NDFIP1: variants seen among roughly 807,000 people sequenced by gnomAD.
NDFIP1 encodes Nedd4 family interacting protein 1.
NDFIP1 carries 7 observed loss-of-function variants against 28.8 expected under a neutral mutation model. The ratio of observed to expected loss-of-function variants is 0.24; its 90% CI spans 0.14 to 0.46. NDFIP1 has a LOEUF of 0.46. Among genes scored for constraint, NDFIP1 ranks in the 20% least tolerant of loss-of-function variants. The probability of loss-of-function intolerance (pLI) is 0.99; values close to 1 mark genes in which losing one functional copy is unlikely to be tolerated. For synonymous variants in NDFIP1, 92 were observed against 101.0 expected (o/e 0.91, Z 0.53); for missense variants, 194 against 269.1 (o/e 0.72, Z 1.95).
intron 1 of NDFIP1, among the ~76,000 whole-genome samples, chr5:142,110,371 C>G (rs1044197051): frequency 3.0e-4 from 45 of 152,108 alleles, no homozygotes; most frequent in Non-Finnish European, 3.7e-4. Flanking sequence ...TAACTGTCAC[C>G]ACAGTGTTTG....
At chr5:142,148,538 G>A (rs1385468068) in intron 7 of NDFIP1, among the ~76,000 whole-genome samples, 1 of 151,976 alleles carries the variant, frequency 6.6e-6, no homozygotes, top group East Asian at 1.9e-4. Context: ...GTCACCTGAG[G>A]TTAGAAGTTT....
At chr5:142,130,791 T>C (rs539721102) in intron 1 of NDFIP1, among the ~76,000 whole-genome samples, 26 of 152,240 alleles carry the variant, frequency 1.7e-4, no homozygotes, top group Admixed American at 3.3e-4. Context: ...TGTACTCCTA[T>C]TACCTAGAAA....
intron 1 of NDFIP1, among the ~76,000 whole-genome samples, chr5:142,112,664 G>A (rs1757027114): frequency 6.7e-6 from 1 of 148,562 alleles, no homozygotes; most frequent in Non-Finnish European, 1.5e-5. Context: ...GGTGGCACGT[G>A]CCTGTAGTAG....
At chr5:142,129,742 C>T (rs895678422) in intron 1 of NDFIP1, among the ~76,000 whole-genome samples, 2 of 151,570 alleles carry the variant, frequency 1.3e-5, no homozygotes, top group Middle Eastern at 3.2e-3. Flanking sequence ...GCCTGGCCCA[C>T]GTCTACTAAA....
intron 7 of NDFIP1, among the ~76,000 whole-genome samples, chr5:142,145,182 A>G (rs1308042115): frequency 6.6e-6 from 1 of 152,200 alleles, no homozygotes; most frequent in Admixed American, 6.5e-5. Context: ...GGCTTTCCCC[A>G]TGGCTTTCTT....
At chr5:142,150,372 C>CT (rs1757433512) in intron 7 of NDFIP1, among the ~76,000 whole-genome samples, 2 of 151,650 alleles carry the variant, frequency 1.3e-5, no homozygotes, top group Admixed American at 6.6e-5. Flanking sequence ...CTTTCAATCT[C>CT]TTATGTCTCT....
At chr5:142,124,818 G>A (rs1757153966) in intron 1 of NDFIP1, among the ~76,000 whole-genome samples, 1 of 134,644 alleles carries the variant, frequency 7.4e-6, no homozygotes, top group African/African-American at 2.9e-5. Context: ...CTCCCTATGA[G>A]CAACTTGAAG....
Position 142,108,987 on chromosome 5 carries a change from T to TTGGCGGCGC in NDFIP1, c.22_30dup (p.Leu8_Ala10dup). On this transcript the variant is annotated inframe_insertion, in exon 1 of 8. Coordinates refer to ENST00000253814, the MANE Select transcript of NDFIP1 (RefSeq NM_030571.4). ...TGCCGGCTGCGCCATGGCGTTGGCGTTGGCGGCGCTGGCGGCGGTCGAGCC... is the reference window on the plus strand; with the variant it reads ...TGCCGGCTGCGCCATGGCGTTGGCGTTGGCGGCGCTGGCGGCGCTGGCGGCGGTCGAGCC... 6.9e-7 allele frequency: 1 copy of TTGGCGGCGC among 1,446,644 alleles called. No homozygotes were observed. Among genetic ancestry groups the TTGGCGGCGC allele is most frequent in the Non-Finnish European group, 9.1e-7 (1 of 1,102,898 alleles). The allele number at this position is 1,446,644 out of a possible 1,614,324, so 89.6% of individuals were successfully genotyped here.
intron 1 of NDFIP1, among the ~76,000 whole-genome samples, chr5:142,124,944 G>A (rs1757156288): frequency 6.6e-6 from 1 of 152,080 alleles, no homozygotes; most frequent in African/African-American, 2.4e-5. Flanking sequence ...TCCTGCCTCA[G>A]CCTCCCAAGT....
Position 142,137,788 on chromosome 5 carries a change from C to A in NDFIP1, c.425C>A (p.Ser142Ter). The change falls in exon 5 of 8, where the codon TCA (serine) becomes TAA (stop). Residue 142 changes from serine to a stop codon, truncating the protein, a stop_gained. Coordinates refer to ENST00000253814, the MANE Select transcript of NDFIP1 (RefSeq NM_030571.4). LOFTEE classifies it high-confidence loss of function. ...GFFLSFCLTT[S>*]AAGRYGAISG... Reference sequence around the variant, plus strand: ...TTCCTGTCTTTTTGCCTGACCACTTCAGCTGCAGGAAGGTATGGGGCCATT... The same window carrying A: ...TTCCTGTCTTTTTGCCTGACCACTTAAGCTGCAGGAAGGTATGGGGCCATT... 1 of 1,614,150 alleles carries A rather than the reference C, an allele frequency of 6.2e-7. No homozygotes were observed. The highest frequency in any genetic ancestry group is 8.5e-7 in the Non-Finnish European group (1 of 1,180,018).
intron 1 of NDFIP1, among the ~76,000 whole-genome samples, chr5:142,109,671 G>T (rs1756991755): frequency 6.6e-6 from 1 of 152,224 alleles, no homozygotes; most frequent in Admixed American, 6.5e-5. Flanking sequence ...CGTGTGCCGG[G>T]TGTATTTTAA....
At chr5:142,129,390 C>A (rs570321548) in intron 1 of NDFIP1, among the ~76,000 whole-genome samples, 1 of 152,218 alleles carries the variant, frequency 6.6e-6, no homozygotes, top group African/African-American at 2.4e-5. Context: ...CCTATTTTGG[C>A]CACATGTCTT....
Position 142,144,377 on chromosome 5 carries a change from T to TA in NDFIP1, c.563-193dup, listed in dbSNP as rs558627317. On this transcript the variant is annotated intron_variant, in intron 6 of 7. Coordinates refer to ENST00000253814, the MANE Select transcript of NDFIP1 (RefSeq NM_030571.4). ...ATGTGCAAAAGACACTATTGACTCT[T>TA]ACATTATACCTTCTCATTGAAGGAT... 62 of 506,184 alleles carry TA rather than the reference T, an allele frequency of 1.2e-4. 1 individual carries two copies. Among genetic ancestry groups the TA allele is most frequent in the African/African-American group, 1.2e-3 (61 of 52,170 alleles). 31.4% of individuals were successfully genotyped at this position (506,184 alleles called of 1,614,324 possible). A position where few individuals can be genotyped will look rare whatever the true frequency, so the allele number is the denominator to read the frequency against.
intron 5 of NDFIP1, among the ~76,000 whole-genome samples, chr5:142,140,041 C>A (rs62381977): frequency 0.27 from 41,540 of 152,040 alleles, 6,997 homozygotes; most frequent in Non-Finnish European, 0.37. Flanking sequence ...AATTGCTTTT[C>A]CTTGAAAGGA....
At chr5:142,137,879 G>C in intron 5 of NDFIP1, 21 bp downstream of exon 5, 1 of 1,611,878 alleles carries the variant, frequency 6.2e-7, no homozygotes, top group Non-Finnish European at 8.5e-7. Flanking sequence ...TAACAGAAAA[G>C]ATGGGCTCTA....
intron 4 of NDFIP1, among the ~76,000 whole-genome samples, chr5:142,136,378 T>C (rs1183490033): frequency 6.6e-6 from 1 of 152,218 alleles, no homozygotes; most frequent in Non-Finnish European, 1.5e-5. Flanking sequence ...GTGACTTGAA[T>C]CAGATTATTT....
intron 1 of NDFIP1, among the ~76,000 whole-genome samples, chr5:142,123,102 A>G (rs185737384): frequency 6.6e-6 from 1 of 152,184 alleles, no homozygotes; most frequent in Admixed American, 6.5e-5. Context: ...AGCTGGGACT[A>G]CAGGGGCATG....
At chr5:142,137,693 C>G in intron 4 of NDFIP1, 41 bp from the exon 5 acceptor site, 1 of 1,607,466 alleles carries the variant, frequency 6.2e-7, no homozygotes, top group Non-Finnish European at 8.5e-7. Context: ...TCTTGGGTAA[C>G]AGGACATGTC....
intron 1 of NDFIP1, among the ~76,000 whole-genome samples, chr5:142,126,187 T>A (rs1325091990): frequency 6.6e-6 from 1 of 152,222 alleles, no homozygotes; most frequent in Non-Finnish European, 1.5e-5. Flanking sequence ...AGAAATGTGC[T>A]TGTTTACTTT....
Sources: gnomAD v4.1 joint callset for allele counts (sites outside exome capture counted in the v4.1 genomes callset) on GRCh38, gnomAD v4.1.1 for gene constraint, MANE v1.5 for transcripts, NCBI Gene and HGNC (gene_info 2026-07-23, HGNC 2026-07-21) for gene names.